CCDC148: variants seen among roughly 807,000 people sequenced by gnomAD.
The protein encoded by CCDC148 is coiled-coil domain-containing protein 148.
A neutral mutation model predicts 85.7 loss-of-function variants in CCDC148; 89 were observed. That is an observed-to-expected ratio of 1.04 (90% CI 0.87 to 1.24). The LOEUF is 1.24. CCDC148 is among the 50% of genes most tolerant of loss of function. The pLI, the probability that CCDC148 is intolerant of heterozygous loss-of-function variation, is 0.00. For missense variants in CCDC148, 692 were observed against 671.7 expected, an observed-to-expected ratio of 1.03 and a Z score of -0.33; for synonymous variants, 230 against 213.9, an observed-to-expected ratio of 1.08 and a Z score of -0.66.
Position 158,172,238 on chromosome 2 carries a change from G to GCCC in CCDC148, c.1650_1651insGGG (p.Leu550_Arg551insGly). 6.2e-7 allele frequency: 1 copy of GCCC among 1,605,048 alleles called. No individual in the cohort carries two copies. The highest frequency in any genetic ancestry group is 2.2e-5 in the East Asian group (1 of 44,562). ...GCTTCTCGAAGTGCTAACTCGAAGC[G>GCCC]AAGTCTAGGGTCAGAAATTATCTGT... On this transcript the variant is annotated inframe_insertion, in exon 14 of 14. Transcript: ENST00000283233.
chr2:158,360,317 TC>T (rs952726611), intron 1 of CCDC148, among the ~76,000 whole-genome samples: 13 of 152,142 alleles, frequency 8.5e-5, no homozygotes, highest in African/African-American at 3.1e-4. Flanking sequence ...ATGTTCGAGC[TC>T]TGCTAGGGGT....
intron 11 of CCDC148, among the ~76,000 whole-genome samples, chr2:158,201,920 A>C (rs1186296631): frequency 1.3e-5 from 2 of 152,158 alleles, no homozygotes; most frequent in African/African-American, 4.8e-5. Flanking sequence ...TTCTCAGTTA[A>C]TTCATGTCAA....
At chr2:158,454,551 G>C (rs1407209722) in intron 1 of CCDC148, among the ~76,000 whole-genome samples, 1 of 152,244 alleles carries the variant, frequency 6.6e-6, no homozygotes, top group Non-Finnish European at 1.5e-5. Flanking sequence ...TCCTTCAGTA[G>C]AGTACGAGGC....
chr2:158,399,982 C>T (rs1685703504), intron 1 of CCDC148, among the ~76,000 whole-genome samples: 2 of 152,022 alleles, frequency 1.3e-5, no homozygotes, highest in South Asian at 4.1e-4. Context: ...CCTAGGAATC[C>T]AACTTACAAG....
rs116000179 is a variant in CCDC148, at chr2:158,432,697, C to A, written c.25+23718G>T. 1.3e-4 allele frequency among the ~76,000 whole-genome samples: 20 copies of A among 152,130 alleles called. No individual in the cohort carries two copies. The South Asian group carries it at 3.7e-3, about 28-fold the overall frequency. Reference sequence around the variant, plus strand: ...AATATCAATCCAATACAAACTCTTTCAGAAATTAAAGGAGAAAAGAACACA... The same window carrying A: ...AATATCAATCCAATACAAACTCTTTAAGAAATTAAAGGAGAAAAGAACACA... On this transcript the variant is annotated intron_variant, in intron 1 of 13. Coordinates refer to ENST00000283233, the MANE Select transcript of CCDC148 (RefSeq NM_138803.4).
chr2:158,266,003 A>C (rs1255795101), intron 9 of CCDC148, among the ~76,000 whole-genome samples: 1 of 152,120 alleles, frequency 6.6e-6, no homozygotes, highest in African/African-American at 2.4e-5. Flanking sequence ...TTAAGCATTC[A>C]TCTCTTTCCT....
intron 9 of CCDC148, among the ~76,000 whole-genome samples, chr2:158,278,823 C>G (rs1218103958): frequency 6.6e-6 from 1 of 152,256 alleles, no homozygotes; most frequent in Non-Finnish European, 1.5e-5. Context: ...CAGACTGCCT[C>G]CTCAAGTGGG....
intron 1 of CCDC148, among the ~76,000 whole-genome samples, chr2:158,429,029 C>T (rs1050281707): frequency 6.6e-6 from 1 of 151,722 alleles, no homozygotes; most frequent in South Asian, 2.1e-4. Flanking sequence ...AGCAAACTAT[C>T]ACAAGGACGG....
chr2:158,442,628 T>C (rs1687982329), intron 1 of CCDC148, among the ~76,000 whole-genome samples: 1 of 152,190 alleles, frequency 6.6e-6, no homozygotes, highest in South Asian at 2.1e-4. Context: ...AAGCAAGGAA[T>C]TGAGTGCCAT....
intron 1 of CCDC148, among the ~76,000 whole-genome samples, chr2:158,430,028 T>C (rs181139812): frequency 5.7e-4 from 87 of 152,340 alleles, no homozygotes; most frequent in African/African-American, 1.9e-3. Flanking sequence ...TAAATCTGCA[T>C]GTGGCTCTTC....
chr2:158,446,950 A>G (rs1329480688), intron 1 of CCDC148, among the ~76,000 whole-genome samples: 1 of 152,010 alleles, frequency 6.6e-6, no homozygotes, highest in East Asian at 1.9e-4. Flanking sequence ...GTAGTTCATT[A>G]TTTTTAGAGA....
chr2:158,242,707 A>G (rs3914921), intron 10 of CCDC148, among the ~76,000 whole-genome samples: 49,871 of 150,408 alleles, frequency 0.33, 9,985 homozygotes, highest in South Asian at 0.6. Flanking sequence ...TCTTAGATCA[A>G]CTCCAATACC....
chr2:158,189,196 G>A lies in CCDC148; in HGVS notation c.1371-10200C>T, dbSNP rs115287571. 2.6e-3 allele frequency among the ~76,000 whole-genome samples: 398 copies of A among 152,000 alleles called. 1 individual carries two copies. Among genetic ancestry groups the A allele is most frequent in the African/African-American group, 9.0e-3 (373 of 41,524 alleles). ...GAGTAAAGAGTCAGAAAGAGAGTGA[G>A]AGGAATCTGAAGATACCATTTGAGT... On this transcript the variant is annotated intron_variant, in intron 11 of 13. Coordinates refer to ENST00000283233, the MANE Select transcript of CCDC148 (RefSeq NM_138803.4).
At chr2:158,300,681 A>C (rs1486732625) in intron 9 of CCDC148, among the ~76,000 whole-genome samples, 1 of 152,238 alleles carries the variant, frequency 6.6e-6, no homozygotes, top group Admixed American at 6.5e-5. Context: ...AGAGTGAATT[A>C]CAAGGAGTTT....
At chr2:158,240,833 A>C (rs1688322688) in intron 10 of CCDC148, among the ~76,000 whole-genome samples, 1 of 152,214 alleles carries the variant, frequency 6.6e-6, no homozygotes, top group African/African-American at 2.4e-5. Flanking sequence ...GGAAACAGGT[A>C]AATTAATAGA....
intron 1 of CCDC148, among the ~76,000 whole-genome samples, chr2:158,438,930 C>T (rs1687800422): frequency 6.6e-6 from 1 of 152,114 alleles, no homozygotes; most frequent in Non-Finnish European, 1.5e-5. Context: ...AATGAGATAC[C>T]ATCTCATACT....
intron 7 of CCDC148, among the ~76,000 whole-genome samples, chr2:158,315,112 CATA>C (rs1446007229): frequency 6.6e-6 from 1 of 152,154 alleles, no homozygotes; most frequent in Non-Finnish European, 1.5e-5. Flanking sequence ...TTCAGTATGA[CATA>C]ATAATTTATT....
chr2:158,448,792 A>G lies in CCDC148; in HGVS notation c.25+7623T>C, dbSNP rs1412803270. On this transcript the variant is annotated intron_variant, in intron 1 of 13. Coordinates refer to ENST00000283233, the MANE Select transcript of CCDC148 (RefSeq NM_138803.4). ...ATATTGTCTTCTTTCTCATGTTATT[A>G]TAAGTGGAATTGGGTTTTTGTTGTT... Among the ~76,000 whole-genome samples the G allele has an allele frequency of 2.6e-5, 4 of 151,938 alleles. No homozygotes were observed. In the East Asian group the frequency reaches 5.8e-4, roughly 22 times the overall value.
chr2:158,431,487 T>TA (rs1687347667), intron 1 of CCDC148, among the ~76,000 whole-genome samples: 3 of 145,394 alleles, frequency 2.1e-5, no homozygotes, highest in African/African-American at 7.5e-5. Context: ...AAGGTGTTTT[T>TA]TAAAAAAAAA....
Sources: gnomAD v4.1 joint callset for allele counts (sites outside exome capture counted in the v4.1 genomes callset) on GRCh38, gnomAD v4.1.1 for gene constraint, MANE v1.5 for transcripts, NCBI Gene and HGNC (gene_info 2026-07-23, HGNC 2026-07-21) for gene names.